KDM4C: variants seen among roughly 807,000 people sequenced by gnomAD.
KDM4C encodes the protein lysine demethylase 4C.
In KDM4C, 81 loss-of-function variants were observed where a neutral mutation model predicts 129.3. The observed-to-expected ratio is 0.63, with a 90% CI of 0.52 to 0.75. KDM4C has a LOEUF of 0.75. Among genes scored for constraint, KDM4C ranks in the 30% least tolerant of loss-of-function variants. The pLI is 0.00. For missense variants in KDM4C, 1,457 were observed against 1,304.0 expected (o/e 1.12, Z -1.81); for synonymous variants, 573 against 456.1 (o/e 1.26, Z -3.26).
intron 15 of KDM4C, among the ~76,000 whole-genome samples, chr9:7,043,823 T>C (rs918774466): frequency 1.3e-5 from 2 of 152,034 alleles, no homozygotes; most frequent in East Asian, 1.9e-4. Context: ...AAAATAACTT[T>C]GTCAACTCAC....
At chr9:7,154,476 A>G (rs1329067425) in intron 19 of KDM4C, among the ~76,000 whole-genome samples, 8 of 152,206 alleles carry the variant, frequency 5.3e-5, no homozygotes, top group Non-Finnish European at 1.5e-5. Flanking sequence ...GGGTGGGGAT[A>G]GGGCTAAGGC....
chr9:7,148,685 T>C (rs1037580829), intron 19 of KDM4C, among the ~76,000 whole-genome samples: 1 of 152,026 alleles, frequency 6.6e-6, no homozygotes, highest in Non-Finnish European at 1.5e-5. Context: ...ATGTGGACAA[T>C]TGGAGGGTGA....
At chr9:6,826,071 C>CA (rs1446675893) in intron 4 of KDM4C, among the ~76,000 whole-genome samples, 1 of 152,138 alleles carries the variant, frequency 6.6e-6, no homozygotes, top group Non-Finnish European at 1.5e-5. Context: ...CTCCGCCTCT[C>CA]AAAGTTACGG....
chr9:6,756,768 G>A (rs1483366417), upstream of KDM4C, among the ~76,000 whole-genome samples: 4 of 152,114 alleles, frequency 2.6e-5, no homozygotes, highest in South Asian at 6.2e-4. Flanking sequence ...AACAACTAAA[G>A]AAATATGGTG....
chr9:7,068,421 G>A (rs927428032), intron 17 of KDM4C, among the ~76,000 whole-genome samples: 8 of 152,044 alleles, frequency 5.3e-5, no homozygotes, highest in Non-Finnish European at 8.8e-5. Context: ...TAGTGCCAAC[G>A]GTTTCTCAGG....
At chr9:6,797,740 ACTCTTT>A (rs1339163148) in intron 2 of KDM4C, among the ~76,000 whole-genome samples, 1 of 152,054 alleles carries the variant, frequency 6.6e-6, no homozygotes, top group African/African-American at 2.4e-5. Flanking sequence ...AAGAAGCACC[ACTCTTT>A]CTCTTCCTCC....
intron 17 of KDM4C, among the ~76,000 whole-genome samples, chr9:7,065,200 GTCT>G (rs1832257205): frequency 6.6e-6 from 1 of 152,028 alleles, no homozygotes; most frequent in African/African-American, 2.4e-5. Flanking sequence ...TTAAATTGAA[GTCT>G]TCTTTTCACT....
At chr9:7,046,621 GT>G (rs1475093119) in intron 15 of KDM4C, among the ~76,000 whole-genome samples, 1 of 151,958 alleles carries the variant, frequency 6.6e-6, no homozygotes, top group African/African-American at 2.4e-5. Context: ...ATTATACCAG[GT>G]TCATTTCATG....
chr9:6,810,085 A>G (rs906542063), intron 3 of KDM4C, among the ~76,000 whole-genome samples: 8 of 152,258 alleles, frequency 5.3e-5, no homozygotes, highest in African/African-American at 1.7e-4. Flanking sequence ...AAATATTATT[A>G]AGACTTGAGC....
rs201267758 is a variant in KDM4C at position 6,984,396 on chromosome 9, A to G, written c.1346A>G (p.Lys449Arg). The G allele has an allele frequency of 5.4e-5, 86 of 1,606,306 alleles. No homozygotes were observed. Among genetic ancestry groups the G allele is most frequent in the Non-Finnish European group, 6.7e-5 (79 of 1,173,304 alleles). ...QVEQNLSDHI[K>R]LSGNSCLSTS... ...GAGCAGAATTTATCAGATCATATCA[A>G]ACTCTCAGGTGAGAAGATGGTTGAT... is the stretch of plus-strand genomic sequence containing the variant. The change falls in exon 10 of 22, where the codon AAA (lysine) becomes AGA (arginine). Residue 449 changes from lysine to arginine, a missense_variant. Physicochemically the swap from Lys to Arg is conservative, Grantham distance 26 (BLOSUM62 2). Coordinates refer to ENST00000381309, the MANE Select transcript of KDM4C (RefSeq NM_015061.6).
At chr9:6,749,334 G>C (rs1446983750) in intron 1 of KDM4C, among the ~76,000 whole-genome samples, 1 of 151,894 alleles carries the variant, frequency 6.6e-6, no homozygotes, top group Non-Finnish European at 1.5e-5. Context: ...TCCTTAAAAA[G>C]GTGTCAGGAT....
intron 12 of KDM4C, among the ~76,000 whole-genome samples, chr9:7,008,707 A>G (rs1822138835): frequency 6.6e-6 from 1 of 152,214 alleles, no homozygotes. Context: ...GGCCTAACTC[A>G]GTAGACCCAA....
At chr9:7,100,107 C>T (rs1194557658) in intron 17 of KDM4C, among the ~76,000 whole-genome samples, 1 of 152,110 alleles carries the variant, frequency 6.6e-6, no homozygotes, top group East Asian at 1.9e-4. Flanking sequence ...AAGGCAAAAT[C>T]AAGGCCGGTT....
Position 7,092,678 on chromosome 9 carries a change from G to C in KDM4C, c.2425-11007G>C, listed in dbSNP as rs550775698. Among the ~76,000 whole-genome samples the C allele has an allele frequency of 5.3e-5, 8 of 152,262 alleles. No homozygotes were observed. The East Asian group carries it at 5.8e-4, about 11-fold the overall frequency. On this transcript the variant is annotated intron_variant, in intron 17 of 21. Transcript: ENST00000381309. The stretch of plus-strand genomic sequence containing the variant: ...CATAGGCACCCATAGAGAAATGGAG[G>C]TGCAGGAATTCCAGGATGGACTGGG...
intron 19 of KDM4C, among the ~76,000 whole-genome samples, chr9:7,153,852 C>T (rs1842925829): frequency 6.6e-6 from 1 of 152,196 alleles, no homozygotes; most frequent in Admixed American, 6.5e-5. Context: ...CAGCTATGGG[C>T]AAGACCAGAC....
chr9:6,904,888 C>T (rs1397694799), intron 8 of KDM4C, among the ~76,000 whole-genome samples: 1 of 151,176 alleles, frequency 6.6e-6, no homozygotes, highest in South Asian at 2.1e-4. Flanking sequence ...CTGGGAATAA[C>T]ACAAAAGAAA....
intron 8 of KDM4C, among the ~76,000 whole-genome samples, chr9:6,919,251 C>T (rs200367591): frequency 1.4e-4 from 8 of 55,962 alleles, no homozygotes; most frequent in East Asian, 1.6e-3. Context: ...TCTTTCTTTT[C>T]TTTCTTTCTT....
At chr9:6,855,760 TCTTA>T (rs1458636661) in intron 5 of KDM4C, among the ~76,000 whole-genome samples, 9 of 152,206 alleles carry the variant, frequency 5.9e-5, no homozygotes, top group African/African-American at 2.2e-4. Context: ...ATAATTCAAG[TCTTA>T]CTTTTTAAAA....
intron 8 of KDM4C, among the ~76,000 whole-genome samples, chr9:6,940,753 G>A (rs1287595698): frequency 1.3e-5 from 2 of 152,116 alleles, no homozygotes; most frequent in Admixed American, 6.5e-5. Context: ...CATAAGACAT[G>A]TAACTACCAT....
Sources: allele counts gnomAD v4.1 joint callset (sites outside exome capture counted in the v4.1 genomes callset), GRCh38; gene constraint gnomAD v4.1.1; transcripts MANE v1.5; gene names NCBI Gene and HGNC (gene_info 2026-07-23, HGNC 2026-07-21).